Variants in GRID1 observed in about 807,000 individuals in gnomAD.
GRID1 encodes glutamate ionotropic receptor delta type subunit 1, also known as glutamate receptor ionotropic, delta-1.
A neutral mutation model predicts 98.0 loss-of-function variants in GRID1; 28 were observed. The ratio of observed to expected loss-of-function variants is 0.29; its 90% CI spans 0.21 to 0.39. The LOEUF is 0.39. Ranked by LOEUF, GRID1 falls within the 10% of genes least tolerant of loss-of-function variation. The probability of loss-of-function intolerance (pLI) is 1.00; values close to 1 mark genes in which losing one functional copy is unlikely to be tolerated. For missense variants in GRID1, 1,111 were observed against 1,340.5 expected, an observed-to-expected ratio of 0.83 and a Z score of 2.67; for synonymous variants, 553 against 538.5, an observed-to-expected ratio of 1.03 and a Z score of -0.37.
chr10:86,086,635 CAT>C (rs1454492318), intron 4 of GRID1, among the ~76,000 whole-genome samples: 4 of 151,936 alleles, frequency 2.6e-5, no homozygotes, highest in Admixed American at 2.0e-4. Context: ...TGTGTGCAAG[CAT>C]GTGTGTGCAT....
At chr10:85,739,588 T>TCAAAA (rs968956586) in intron 8 of GRID1, among the ~76,000 whole-genome samples, 13 of 151,896 alleles carry the variant, frequency 8.6e-5, no homozygotes, top group Non-Finnish European at 1.5e-4. Flanking sequence ...TCAACTCAAC[T>TCAAAA]CAAAACAAAA....
chr10:85,978,700 G>T (rs1455675102), intron 4 of GRID1, among the ~76,000 whole-genome samples: 2 of 152,152 alleles, frequency 1.3e-5, no homozygotes, highest in African/African-American at 4.8e-5. Context: ...CTCCCTGCCT[G>T]CATGAGCTCT....
intron 8 of GRID1, among the ~76,000 whole-genome samples, chr10:85,748,112 C>T (rs1259393626): frequency 1.3e-5 from 2 of 151,846 alleles, no homozygotes; most frequent in Non-Finnish European, 2.9e-5. Flanking sequence ...ATCTCAAGGT[C>T]GGCAGCCAAG....
At chr10:85,837,606 A>C (rs749737875) in intron 8 of GRID1, among the ~76,000 whole-genome samples, 6 of 151,732 alleles carry the variant, frequency 4.0e-5, no homozygotes, top group Admixed American at 6.6e-5. Flanking sequence ...ACTACAATCA[A>C]GTCCTCAGAG....
chr10:86,317,717 C>A (rs1365423795), intron 2 of GRID1, among the ~76,000 whole-genome samples: 1 of 152,054 alleles, frequency 6.6e-6, no homozygotes, highest in Non-Finnish European at 1.5e-5. Flanking sequence ...GATCCTCCAC[C>A]AAACTGTGTC....
intron 3 of GRID1, among the ~76,000 whole-genome samples, chr10:86,191,350 T>A (rs1382764036): frequency 6.6e-6 from 1 of 152,052 alleles, no homozygotes; most frequent in African/African-American, 2.4e-5. Flanking sequence ...TTTCAGGCAG[T>A]GAGGTGGCTG....
chr10:86,035,384 AG>A (rs762535955), intron 4 of GRID1, among the ~76,000 whole-genome samples: 4 of 152,226 alleles, frequency 2.6e-5, no homozygotes, highest in Admixed American at 6.5e-5. Context: ...TTGCCAAAAA[AG>A]GGTGTCTATT....
chr10:86,230,818 C>T lies in GRID1; in HGVS notation c.236-24170G>A, dbSNP rs138942488. ...CTCCCCCTCTGGTCTGTGAGCGCCT[C>T]CAAGCAGGATCATGTCCAACCCATC... is the stretch of plus-strand genomic sequence containing the variant. On this transcript the variant is annotated intron_variant, in intron 2 of 15. Transcript: ENST00000327946. 5.6e-3 allele frequency among the ~76,000 whole-genome samples: 854 copies of T among 152,276 alleles called. 3 individuals carry two copies. Among genetic ancestry groups the T allele is most frequent in the Non-Finnish European group, 8.6e-3 (587 of 68,026 alleles).
chr10:86,037,810 C>T (rs563322065), intron 4 of GRID1, among the ~76,000 whole-genome samples: 38 of 152,070 alleles, frequency 2.5e-4, no homozygotes, highest in Non-Finnish European at 4.1e-4. Flanking sequence ...GTGGGAAGCC[C>T]TGAGTTGTGC....
intron 4 of GRID1, among the ~76,000 whole-genome samples, chr10:86,063,143 CAG>C (rs1302777724): frequency 6.6e-6 from 1 of 152,226 alleles, no homozygotes; most frequent in African/African-American, 2.4e-5. Flanking sequence ...TCCCTCTTGT[CAG>C]AGGCAGGACA....
intron 5 of GRID1, among the ~76,000 whole-genome samples, chr10:85,901,039 G>A (rs1432967046): frequency 2.0e-5 from 3 of 152,004 alleles, no homozygotes; most frequent in Admixed American, 6.5e-5. Flanking sequence ...AACTAGGGTC[G>A]CAGCAGGCCC....
chr10:85,764,548 G>T (rs937251474), intron 8 of GRID1, among the ~76,000 whole-genome samples: 1 of 152,152 alleles, frequency 6.6e-6, no homozygotes, highest in Non-Finnish European at 1.5e-5. Flanking sequence ...TGCCCTGCAG[G>T]GGTCCAGCAC....
chr10:85,632,853 A>G (rs2132536706), intron 13 of GRID1, among the ~76,000 whole-genome samples: 1 of 152,300 alleles, frequency 6.6e-6, no homozygotes, highest in South Asian at 2.1e-4. Flanking sequence ...CCTCACATGC[A>G]TTAACTATTT....
At chr10:86,034,004 G>A (rs1168935173) in intron 4 of GRID1, among the ~76,000 whole-genome samples, 1 of 152,144 alleles carries the variant, frequency 6.6e-6, no homozygotes, top group Non-Finnish European at 1.5e-5. Flanking sequence ...AAGTCTTCAG[G>A]GGACAATGTT....
At chr10:86,183,339 ATTATTTATTTATTTAT>A (rs58071795) in intron 3 of GRID1, among the ~76,000 whole-genome samples, 4 of 149,764 alleles carry the variant, frequency 2.7e-5, no homozygotes, top group South Asian at 2.1e-4. Context: ...ATATACCACA[ATTATTTATTTATTTAT>A]TTATTTATTT....
chr10:85,820,151 G>A (rs1300786515), intron 8 of GRID1, among the ~76,000 whole-genome samples: 1 of 137,234 alleles, frequency 7.3e-6, no homozygotes, highest in Non-Finnish European at 1.6e-5. Context: ...CAGAAAGAAA[G>A]AAAGAAAGAA....
chr10:85,955,569 TA>T (rs931988687), intron 4 of GRID1, among the ~76,000 whole-genome samples: 3 of 152,146 alleles, frequency 2.0e-5, no homozygotes, highest in Non-Finnish European at 4.4e-5. Flanking sequence ...TTCAAAGATG[TA>T]GGGCATGTTG....
rs146977650 is a variant in GRID1 at position 85,665,986 on chromosome 10, G to A, written c.1998-18589C>T. 2.0e-4 allele frequency among the ~76,000 whole-genome samples: 30 copies of A among 152,242 alleles called. No homozygotes were observed. In the East Asian group the frequency reaches 5.4e-3, roughly 28 times the overall value. ...CAGCTTGCACAGCTCACCCCTGGAGGTCAAGGCACTTATTCTGGCAAATGT... is the reference window on the plus strand; with the variant it reads ...CAGCTTGCACAGCTCACCCCTGGAGATCAAGGCACTTATTCTGGCAAATGT... On this transcript the variant is annotated intron_variant, in intron 12 of 15. Transcript: ENST00000327946.
At chr10:85,607,296 T>C (rs1304560650) in intron 15 of GRID1, 1 of 152,232 alleles carries the variant, frequency 6.6e-6, no homozygotes, top group Non-Finnish European at 1.5e-5. Context: ...CCAACAGCTC[T>C]TATTGTAAGT....
Sources: gnomAD v4.1 joint callset for allele counts (sites outside exome capture counted in the v4.1 genomes callset) on GRCh38, gnomAD v4.1.1 for gene constraint, MANE v1.5 for transcripts, NCBI Gene and HGNC (gene_info 2026-07-23, HGNC 2026-07-21) for gene names.